The following ITSN2 variants were observed in gnomAD, a reference collection of about 807,000 sequenced individuals.
The protein encoded by ITSN2 is intersectin 2, also known as intersectin-2.
Under a neutral mutation model 243.7 loss-of-function variants are expected in ITSN2, and 156 were observed. That is an observed-to-expected ratio of 0.64 (90% CI 0.56 to 0.73). The LOEUF is 0.73. Ranked by LOEUF, ITSN2 falls within the 30% of genes least tolerant of loss-of-function variation. ITSN2 has a pLI of 0.00. For missense variants in ITSN2, 1,801 were observed against 1,996.1 expected (o/e 0.90, Z 1.86); for synonymous variants, 703 against 699.9 (o/e 1.00, Z -0.07).
chr2:24,336,453 G>A (rs1686390866), intron 1 of ITSN2, among the ~76,000 whole-genome samples: 1 of 152,102 alleles, frequency 6.6e-6, no homozygotes, highest in South Asian at 2.1e-4. Flanking sequence ...AAACTTCTTA[G>A]TATGAAATAC....
At chr2:24,212,530 G>A (rs1038046423) in intron 33 of ITSN2, 120 bp downstream of exon 33, 12 of 683,966 alleles carry the variant, frequency 1.8e-5, no homozygotes, top group Admixed American at 1.1e-4. Context: ...TCACTTGTGC[G>A]GTGTCACACT....
chr2:24,288,603 A>G (rs1023576789), intron 15 of ITSN2, among the ~76,000 whole-genome samples: 2 of 152,178 alleles, frequency 1.3e-5, no homozygotes, highest in African/African-American at 4.8e-5. Flanking sequence ...ATATGTATAC[A>G]TTGTAAAATG....
chr2:24,310,779 G>C, intron 5 of ITSN2, 87 bp from the exon 6 acceptor site: 2 of 1,019,942 alleles, frequency 2.0e-6, no homozygotes, highest in Non-Finnish European at 1.5e-6. Context: ...ACAGTGGGCA[G>C]ACTCTATGTT....
intron 33 of ITSN2, 40 bp from the exon 34 acceptor site, chr2:24,210,987 C>G: frequency 1.3e-6 from 2 of 1,599,780 alleles, no homozygotes; most frequent in Non-Finnish European, 1.7e-6. Flanking sequence ...GGAGCTGCGT[C>G]TCTCACCTGC....
chr2:24,359,071 G>C (rs1688714708), intron 1 of ITSN2, among the ~76,000 whole-genome samples: 1 of 152,188 alleles, frequency 6.6e-6, no homozygotes, highest in Admixed American at 6.5e-5. Flanking sequence ...AATTACAAGA[G>C]AGTCACAGGC....
At chr2:24,333,744 T>C (rs1686035546) in intron 1 of ITSN2, among the ~76,000 whole-genome samples, 1 of 152,146 alleles carries the variant, frequency 6.6e-6, no homozygotes, top group Non-Finnish European at 1.5e-5. Context: ...CTTTAGACAA[T>C]GTAGAAAATA....
At chr2:24,231,122 T>G (rs1305366249) in intron 29 of ITSN2, among the ~76,000 whole-genome samples, 1 of 152,212 alleles carries the variant, frequency 6.6e-6, no homozygotes, top group Non-Finnish European at 1.5e-5. Context: ...TCTGAGTATT[T>G]TATTCAAAAT....
intron 29 of ITSN2, among the ~76,000 whole-genome samples, chr2:24,222,792 C>T (rs1167783557): frequency 6.7e-6 from 1 of 149,540 alleles, no homozygotes; most frequent in African/African-American, 2.5e-5. Context: ...TCTCCTGCCT[C>T]AGCCTCCTGA....
At position 24,299,933 on chromosome 2, in the gene ITSN2, C is replaced by T. The variant is rs764772611; in HGVS notation, c.1320G>A (p.Arg440=). 6.2e-7 allele frequency: 1 copy of T among 1,610,922 alleles called. No individual in the cohort carries two copies. The highest frequency in any genetic ancestry group is 8.5e-7 in the Non-Finnish European group (1 of 1,179,168). The stretch of plus-strand genomic sequence containing the variant: ...CCTCTCGTCTTTCTATGTCTTTTCT[C>T]CTTTCTTCCTCTCGTTGTCTCTCCA... The part of the protein sequence containing the change: ...RELERQREEE[R]RKDIERREAA... The change falls in exon 12 of 40, where the codon AGG becomes AGA. Residue 440 remains arginine, a synonymous_variant. Transcript: ENST00000355123.
intron 25 of ITSN2, 70 bp from the exon 26 acceptor site, chr2:24,248,952 G>T: frequency 7.1e-7 from 1 of 1,399,576 alleles, no homozygotes; most frequent in Non-Finnish European, 1.0e-6. Context: ...AAAGGTTAAT[G>T]GGAATTAGAG....
intron 2 of ITSN2, among the ~76,000 whole-genome samples, chr2:24,318,587 T>C (rs1229349650): frequency 1.3e-5 from 2 of 152,208 alleles, no homozygotes; most frequent in Non-Finnish European, 2.9e-5. Flanking sequence ...CCAGAAAGGA[T>C]TCATTGCTTA....
chr2:24,233,939 C>G (rs1288453676), intron 29 of ITSN2, among the ~76,000 whole-genome samples: 1 of 152,092 alleles, frequency 6.6e-6, no homozygotes, highest in Non-Finnish European at 1.5e-5. Context: ...ATTTGTTGTT[C>G]TTTAAAGCAA....
At chr2:24,282,984 C>T (rs1678996058) in intron 17 of ITSN2, among the ~76,000 whole-genome samples, 1 of 149,638 alleles carries the variant, frequency 6.7e-6, no homozygotes, top group Non-Finnish European at 1.5e-5. Context: ...CCTTTCTTTT[C>T]TCTTTACTAT....
chr2:24,233,227 T>A (rs1390169928), intron 29 of ITSN2, among the ~76,000 whole-genome samples: 1 of 152,200 alleles, frequency 6.6e-6, no homozygotes, highest in Non-Finnish European at 1.5e-5. Flanking sequence ...CAATGGTATG[T>A]TCATATAACT....
chr2:24,309,933 T>C (rs191106607), intron 7 of ITSN2, among the ~76,000 whole-genome samples: 1 of 152,228 alleles, frequency 6.6e-6, no homozygotes, highest in Admixed American at 6.5e-5. Flanking sequence ...ATTAGTAGAA[T>C]CTGCTCAAGA....
chr2:24,271,068 A>C (rs939057367), intron 19 of ITSN2, among the ~76,000 whole-genome samples: 2 of 152,278 alleles, frequency 1.3e-5, no homozygotes, highest in South Asian at 2.1e-4. Flanking sequence ...GAGCTGTACA[A>C]AGTGGAAGGA....
At chr2:24,326,229 C>T (rs12466180) in intron 2 of ITSN2, among the ~76,000 whole-genome samples, 3,532 of 152,218 alleles carry the variant, frequency 0.023, 340 homozygotes, top group Admixed American at 0.17. Context: ...TATAGCACTT[C>T]TAAATGCATT....
At position 24,246,860 on chromosome 2, in the gene ITSN2, G is replaced by A; in HGVS notation, c.3322C>T (p.Pro1108Ser). The change falls in exon 28 of 40, where the codon CCT becomes TCT. Residue 1108 changes from proline (P) to serine (S), a missense_variant. Transcript: ENST00000355123. ...CCCAAAAGTTTAACATGACTGGCAG[G>A]AAACCATCCTTTCTGTCGCTTTTTT... Reference protein sequence around the residue: ...RGKKRQKGWFPASHVKLLGPS... With the variant: ...RGKKRQKGWFSASHVKLLGPS... 5 of 1,613,048 alleles carry A rather than the reference G, an allele frequency of 3.1e-6. No homozygotes were observed. In the Admixed American group the frequency reaches 8.3e-5, roughly 27 times the overall value.
chr2:24,248,613 A>T lies in ITSN2; in HGVS notation c.3288+16T>A. 2 of 1,575,232 alleles carry T rather than the reference A, an allele frequency of 1.3e-6. No homozygotes were observed. Among genetic ancestry groups the T allele is most frequent in the Non-Finnish European group, 1.7e-6 (2 of 1,160,816 alleles). On this transcript the variant is annotated intron_variant, in intron 27 of 39. Coordinates refer to ENST00000355123, the MANE Select transcript of ITSN2 (RefSeq NM_006277.3). ...TTTTATAATAAAATTTATAGATGCT[A>T]TTTAAAGAATATTACCTGTAACTCT...
Sources: allele counts gnomAD v4.1 joint callset (sites outside exome capture counted in the v4.1 genomes callset), GRCh38; gene constraint gnomAD v4.1.1; transcripts MANE v1.5; gene names NCBI Gene and HGNC (gene_info 2026-07-23, HGNC 2026-07-21).